PACRG: variants seen among roughly 807,000 people sequenced by gnomAD.
PACRG encodes the protein parkin coregulated.
In PACRG, 29 loss-of-function variants were observed where a neutral mutation model predicts 29.7. The observed-to-expected ratio is 0.98, with a 90% confidence interval of 0.73 to 1.33. The LOEUF is 1.33. Ranked by LOEUF, PACRG falls within the 40% of genes most tolerant of loss-of-function variation. The pLI, the probability that PACRG is intolerant of heterozygous loss-of-function variation, is 0.00. For synonymous variants in PACRG, 116 were observed against 118.7 expected (o/e 0.98, Z 0.15); for missense variants, 279 against 316.2 (o/e 0.88, Z 0.89).
intron 4 of PACRG, among the ~76,000 whole-genome samples, chr6:163,303,315 C>A (rs533260123): frequency 2.9e-4 from 44 of 152,130 alleles, no homozygotes; most frequent in African/African-American, 1.0e-3. Context: ...CAGCGTGAGA[C>A]CCTGTCTCAC....
chr6:163,077,261 T>G (rs1409924834), intron 3 of PACRG, among the ~76,000 whole-genome samples: 1 of 152,220 alleles, frequency 6.6e-6, no homozygotes, highest in Non-Finnish European at 1.5e-5. Context: ...AGCAACATAC[T>G]TTTGTGAGAT....
chr6:162,994,979 G>A (rs1248838177), intron 2 of PACRG, among the ~76,000 whole-genome samples: 3 of 150,152 alleles, frequency 2.0e-5, no homozygotes, highest in African/African-American at 7.5e-5. Flanking sequence ...CTCAGCTGCA[G>A]GTCTGTTGGA....
At chr6:163,249,330 A>G (rs910924231) in intron 4 of PACRG, among the ~76,000 whole-genome samples, 1 of 152,114 alleles carries the variant, frequency 6.6e-6, no homozygotes, top group African/African-American at 2.4e-5. Context: ...ATTTTCAAAC[A>G]TAGAAATTGT....
At chr6:162,896,609 A>G (rs572467025) in intron 2 of PACRG, among the ~76,000 whole-genome samples, 1 of 152,336 alleles carries the variant, frequency 6.6e-6, no homozygotes, top group East Asian at 1.9e-4. Context: ...GTTCTCATCA[A>G]TAATGCAGGG....
At chr6:163,105,301 T>C (rs1307574908) in intron 4 of PACRG, among the ~76,000 whole-genome samples, 1 of 152,188 alleles carries the variant, frequency 6.6e-6, no homozygotes, top group Admixed American at 6.5e-5. Flanking sequence ...ATTTCCATTA[T>C]AAAAACCTGC....
At chr6:163,013,863 T>C (rs1394317958) in intron 2 of PACRG, among the ~76,000 whole-genome samples, 3 of 117,226 alleles carry the variant, frequency 2.6e-5, no homozygotes, top group Non-Finnish European at 4.6e-5. Context: ...GTTTTTGAGG[T>C]TTTTTTTTTT....
At chr6:163,270,553 C>A (rs971864823) in intron 4 of PACRG, among the ~76,000 whole-genome samples, 1 of 150,582 alleles carries the variant, frequency 6.6e-6, no homozygotes, top group Non-Finnish European at 1.5e-5. Flanking sequence ...TTTTTTATTT[C>A]TTGTATAAAG....
At chr6:162,978,476 A>G (rs1448679643) in intron 2 of PACRG, among the ~76,000 whole-genome samples, 1 of 111,966 alleles carries the variant, frequency 8.9e-6, no homozygotes, top group East Asian at 4.9e-4. Flanking sequence ...TCTCTCTCAC[A>G]CACACATACA....
At chr6:162,913,531 T>G (rs1389744684) in intron 2 of PACRG, among the ~76,000 whole-genome samples, 1 of 152,238 alleles carries the variant, frequency 6.6e-6, no homozygotes, top group Non-Finnish European at 1.5e-5. Flanking sequence ...ATGTACAATT[T>G]TTTGTTGGGA....
At chr6:162,900,563 C>T (rs955170925) in intron 2 of PACRG, among the ~76,000 whole-genome samples, 3 of 152,174 alleles carry the variant, frequency 2.0e-5, no homozygotes, top group African/African-American at 4.8e-5. Flanking sequence ...TTGGCTTCCA[C>T]GGCATCTCTT....
intron 4 of PACRG, among the ~76,000 whole-genome samples, chr6:163,284,089 G>A (rs1784309638): frequency 6.6e-6 from 1 of 152,030 alleles, no homozygotes; most frequent in South Asian, 2.1e-4. Flanking sequence ...CTCCAGCCTG[G>A]GCAACAAGAG....
chr6:162,965,175 G>A (rs1037103318), intron 2 of PACRG, among the ~76,000 whole-genome samples: 3 of 152,250 alleles, frequency 2.0e-5, no homozygotes, highest in Non-Finnish European at 1.5e-5. Context: ...TAAAGCAGGA[G>A]TATAATATGA....
chr6:162,972,285 T>A (rs13220475), intron 2 of PACRG, among the ~76,000 whole-genome samples: 11 of 152,142 alleles, frequency 7.2e-5, no homozygotes, highest in African/African-American at 2.7e-4. Context: ...AGTCAAGGAT[T>A]GAAGCTTCTT....
chr6:162,957,036 G>GT (rs1382319248), intron 2 of PACRG, among the ~76,000 whole-genome samples: 7 of 151,000 alleles, frequency 4.6e-5, no homozygotes, highest in African/African-American at 1.7e-4. Context: ...TCAGTAAAGC[G>GT]TTTAAAAAAA....
At chr6:163,183,745 C>T (rs1779781007) in intron 4 of PACRG, among the ~76,000 whole-genome samples, 1 of 152,138 alleles carries the variant, frequency 6.6e-6, no homozygotes, top group African/African-American at 2.4e-5. Flanking sequence ...TAAAAGAAGT[C>T]ATTTCCTGTA....
chr6:163,297,880 A>G (rs1474228210), intron 4 of PACRG, among the ~76,000 whole-genome samples: 1 of 152,102 alleles, frequency 6.6e-6, no homozygotes, highest in Non-Finnish European at 1.5e-5. Context: ...TTCACTGTAA[A>G]TGTCCCTCCT....
At chr6:162,868,384 T>C (rs1247150714) in intron 2 of PACRG, among the ~76,000 whole-genome samples, 1 of 152,192 alleles carries the variant, frequency 6.6e-6, no homozygotes, top group African/African-American at 2.4e-5. Flanking sequence ...AATTACATCT[T>C]TTAGATTGTC....
intron 2 of PACRG, among the ~76,000 whole-genome samples, chr6:162,827,713 C>T (rs936366424): frequency 5.9e-5 from 9 of 152,128 alleles, no homozygotes; most frequent in East Asian, 1.9e-4. Context: ...GATTACCAAC[C>T]ATGCTGCCTC....
chr6:162,771,009 A>G (rs1783175548), intron 1 of PACRG, among the ~76,000 whole-genome samples: 2 of 152,144 alleles, frequency 1.3e-5, no homozygotes, highest in African/African-American at 2.4e-5. Flanking sequence ...TAATCAGGGC[A>G]CTTTTTCAAA....
Sources: allele counts gnomAD v4.1 joint callset (sites outside exome capture counted in the v4.1 genomes callset), GRCh38; gene constraint gnomAD v4.1.1; transcripts MANE v1.5; gene names NCBI Gene and HGNC (gene_info 2026-07-23, HGNC 2026-07-21).